SORCS1: variants seen among roughly 807,000 people sequenced by gnomAD.
The protein encoded by SORCS1 is VPS10 domain-containing receptor SorCS1.
SORCS1 carries 60 observed loss-of-function variants against 146.1 expected under a neutral mutation model. That is an observed-to-expected ratio of 0.41 (90% CI 0.33 to 0.51). The LOEUF is 0.51. Among genes scored for constraint, SORCS1 ranks in the 20% least tolerant of loss-of-function variants. The pLI is 0.21. For synonymous variants in SORCS1, 637 were observed against 584.0 expected (o/e 1.09, Z -1.31); for missense variants, 1,352 against 1,487.6 (o/e 0.91, Z 1.50).
At position 106,633,857 on chromosome 10, in the gene SORCS1, G is replaced by A. The variant is rs1848575521; in HGVS notation, c.2476-4469C>T. 4.6e-5 allele frequency among the ~76,000 whole-genome samples: 7 copies of A among 152,092 alleles called. No homozygotes were observed. The South Asian group carries it at 1.4e-3, about 32-fold the overall frequency. The stretch of plus-strand genomic sequence containing the variant: ...ACCCAAGACCCAGCACTGTTTTGAG[G>A]CCTCTGAGAGGATGCCCAGTCCTGC... On this transcript the variant is annotated intron_variant, in intron 18 of 25. Transcript: ENST00000263054.
intron 1 of SORCS1, among the ~76,000 whole-genome samples, chr10:107,004,371 G>A (rs186416027): frequency 1.3e-5 from 2 of 152,206 alleles, no homozygotes; most frequent in East Asian, 3.9e-4. Flanking sequence ...TAAAGAAAAA[G>A]TGGTCAGTGG....
At chr10:106,762,720 T>C (rs1859231760) in intron 4 of SORCS1, among the ~76,000 whole-genome samples, 1 of 152,058 alleles carries the variant, frequency 6.6e-6, no homozygotes, top group Non-Finnish European at 1.5e-5. Flanking sequence ...TTGGCCATCA[T>C]GCCTGGGGGA....
chr10:106,986,880 T>C (rs962658597), intron 1 of SORCS1, among the ~76,000 whole-genome samples: 2 of 152,236 alleles, frequency 1.3e-5, no homozygotes, highest in African/African-American at 2.4e-5. Flanking sequence ...TCTTTTTCTT[T>C]AAGCCCTTAA....
intron 1 of SORCS1, among the ~76,000 whole-genome samples, chr10:107,103,552 T>G (rs1965096184): frequency 6.6e-6 from 1 of 152,222 alleles, no homozygotes; most frequent in African/African-American, 2.4e-5. Context: ...TACTGTAGAG[T>G]GCCTAAGGCT....
At chr10:106,827,363 G>A (rs1948349842) in intron 3 of SORCS1, among the ~76,000 whole-genome samples, 1 of 152,142 alleles carries the variant, frequency 6.6e-6, no homozygotes, top group Non-Finnish European at 1.5e-5. Flanking sequence ...AGAGTCACCT[G>A]TTAGGTGGAA....
rs1348964600 is a variant in SORCS1 at position 106,957,233 on chromosome 10, G to A, written c.559-653C>T. 2.7e-5 allele frequency among the ~76,000 whole-genome samples: 4 copies of A among 150,082 alleles called. No individual in the cohort carries two copies. In the East Asian group the frequency reaches 7.9e-4, roughly 30 times the overall value. ...GTGTTGCCCATACTGGAGTGCAGTG[G>A]CACGATCTCGGCTCACTGCAACCTC... On this transcript the variant is annotated intron_variant, in intron 1 of 25. Coordinates refer to ENST00000263054, the MANE Select transcript of SORCS1 (RefSeq NM_052918.5).
intron 5 of SORCS1, among the ~76,000 whole-genome samples, chr10:106,737,064 T>TGCGTGTGA (rs753224969): frequency 6.6e-5 from 10 of 151,878 alleles, no homozygotes; most frequent in Non-Finnish European, 1.3e-4. Flanking sequence ...CATGTGAGTG[T>TGCGTGTGA]GTGTGTATGT....
chr10:106,837,315 A>G (rs1439467938), intron 2 of SORCS1, among the ~76,000 whole-genome samples: 2 of 152,084 alleles, frequency 1.3e-5, no homozygotes, highest in African/African-American at 2.4e-5. Context: ...TGATTCCAGG[A>G]AAGTCTCACT....
chr10:107,035,886 A>G (rs1223227695), intron 1 of SORCS1, among the ~76,000 whole-genome samples: 1 of 150,070 alleles, frequency 6.7e-6, no homozygotes, highest in Non-Finnish European at 1.5e-5. Flanking sequence ...TTATATCTCA[A>G]TATTATATAT....
chr10:106,931,551 A>C (rs765681641), intron 2 of SORCS1, among the ~76,000 whole-genome samples: 3 of 152,160 alleles, frequency 2.0e-5, no homozygotes, highest in Non-Finnish European at 4.4e-5. Context: ...CAAGTGCACA[A>C]ATACAGATGT....
At chr10:106,653,192 G>A (rs992152820) in intron 17 of SORCS1, among the ~76,000 whole-genome samples, 3 of 152,104 alleles carry the variant, frequency 2.0e-5, no homozygotes, top group Admixed American at 6.5e-5. Flanking sequence ...AGCTTTAACA[G>A]GGAAAATTAT....
chr10:106,636,051 G>T (rs527526091), intron 18 of SORCS1, among the ~76,000 whole-genome samples: 2 of 152,310 alleles, frequency 1.3e-5, no homozygotes, highest in East Asian at 3.9e-4. Context: ...TCATCAGCCA[G>T]TGTAGTAAAT....
intron 19 of SORCS1, among the ~76,000 whole-genome samples, chr10:106,628,981 T>G (rs1321912138): frequency 6.6e-6 from 1 of 152,208 alleles, no homozygotes; most frequent in Non-Finnish European, 1.5e-5. Flanking sequence ...GGAAATGCAA[T>G]GAGAATTTGA....
intron 5 of SORCS1, among the ~76,000 whole-genome samples, chr10:106,743,262 A>T (rs1271384286): frequency 6.6e-6 from 1 of 152,078 alleles, no homozygotes; most frequent in Admixed American, 6.5e-5. Flanking sequence ...CAGAATGAGG[A>T]TAGAAAGGGA....
At chr10:106,688,373 A>G in intron 9 of SORCS1, 35 bp from the exon 10 acceptor site, 1 of 1,605,584 alleles carries the variant, frequency 6.2e-7, no homozygotes, top group Non-Finnish European at 8.5e-7. Flanking sequence ...AAATACATCA[A>G]TTTGAGAAGG....
chr10:106,591,724 A>G (rs1845614063), intron 24 of SORCS1, among the ~76,000 whole-genome samples: 1 of 152,226 alleles, frequency 6.6e-6, no homozygotes, highest in Non-Finnish European at 1.5e-5. Flanking sequence ...GGTCATGATC[A>G]TCAACATCAG....
At chr10:106,725,858 G>C (rs539059519) in intron 6 of SORCS1, among the ~76,000 whole-genome samples, 18 of 150,230 alleles carry the variant, frequency 1.2e-4, no homozygotes, top group African/African-American at 4.4e-4. Flanking sequence ...TTGAACCCAG[G>C]GGGCAGAGGT....
At chr10:107,139,063 T>C (rs1454842459) in intron 1 of SORCS1, among the ~76,000 whole-genome samples, 1 of 152,222 alleles carries the variant, frequency 6.6e-6, no homozygotes, top group African/African-American at 2.4e-5. Flanking sequence ...CTAATTTGTG[T>C]AATTACCTAT....
chr10:107,156,997 A>C (rs1969335049), intron 1 of SORCS1, among the ~76,000 whole-genome samples: 1 of 152,234 alleles, frequency 6.6e-6, no homozygotes. Context: ...CAATGCCAAG[A>C]GCATGACTTT....
Sources: allele counts gnomAD v4.1 joint callset (sites outside exome capture counted in the v4.1 genomes callset), GRCh38; gene constraint gnomAD v4.1.1; transcripts MANE v1.5; gene names NCBI Gene and HGNC (gene_info 2026-07-23, HGNC 2026-07-21).